Variants in TMEM132D observed in about 807,000 individuals in gnomAD.
TMEM132D encodes transmembrane protein 132D, also known as mature OL transmembrane protein.
In TMEM132D, 21 loss-of-function variants were observed where a neutral mutation model predicts 62.3. The ratio of observed to expected loss-of-function variants is 0.34; its 90% CI spans 0.24 to 0.49. The LOEUF (loss-of-function observed/expected upper bound fraction) is 0.49. Ranked by LOEUF, TMEM132D falls within the 20% of genes least tolerant of loss-of-function variation. The pLI is 0.99. For missense variants in TMEM132D, 1,346 were observed against 1,402.8 expected (o/e 0.96, Z 0.65); for synonymous variants, 621 against 575.6 (o/e 1.08, Z -1.13).
chr12:129,267,720 T>C (rs57911217), intron 4 of TMEM132D, among the ~76,000 whole-genome samples: 3,023 of 152,198 alleles, frequency 0.02, 109 homozygotes, highest in African/African-American at 0.069. Flanking sequence ...GAGCCCGCAT[T>C]GCCAAGTCAA....
intron 4 of TMEM132D, among the ~76,000 whole-genome samples, chr12:129,232,912 T>C (rs1174414639): frequency 1.3e-5 from 2 of 151,880 alleles, no homozygotes; most frequent in African/African-American, 4.8e-5. Flanking sequence ...CTCACTATCA[T>C]GAGAACAGCA....
intron 4 of TMEM132D, among the ~76,000 whole-genome samples, chr12:129,312,828 G>A (rs1882013356): frequency 1.3e-5 from 2 of 152,152 alleles, no homozygotes; most frequent in Non-Finnish European, 2.9e-5. Context: ...CAGACAATAA[G>A]CAGAAAAATA....
intron 2 of TMEM132D, among the ~76,000 whole-genome samples, chr12:129,638,436 T>G (rs1024727005): frequency 4.0e-5 from 6 of 151,336 alleles, no homozygotes; most frequent in African/African-American, 1.5e-4. Context: ...CAATTTAAAA[T>G]TAAATTTCCT....
chr12:129,248,789 G>C (rs1880190231), intron 4 of TMEM132D, among the ~76,000 whole-genome samples: 1 of 152,106 alleles, frequency 6.6e-6, no homozygotes, highest in South Asian at 2.1e-4. Context: ...GTGAGAACAT[G>C]CAGTATTTGC....
In TMEM132D at chr12:129,496,292, A is replaced by T. The variant is rs571227975; in HGVS notation, c.1115+34767T>A. On this transcript the variant is annotated intron_variant, in intron 3 of 8. Transcript: ENST00000422113. ...TTTCAGGTATATGTGCACTCACAGA[A>T]ATTACTAAGCACCTTAGTGGGGAAT... Among the ~76,000 whole-genome samples the T allele has an allele frequency of 1.8e-3, 272 of 152,306 alleles. 3 individuals carry two copies. Among genetic ancestry groups the T allele is most frequent in the South Asian group, 8.3e-3 (40 of 4,818 alleles).
intron 1 of TMEM132D, among the ~76,000 whole-genome samples, chr12:129,841,655 G>C (rs1484170126): frequency 6.6e-6 from 1 of 152,084 alleles, no homozygotes; most frequent in South Asian, 2.1e-4. Flanking sequence ...GTGATGTTTT[G>C]CCAAGCGAGA....
chr12:129,822,704 G>A (rs769730437), intron 1 of TMEM132D, among the ~76,000 whole-genome samples: 5 of 152,162 alleles, frequency 3.3e-5, no homozygotes, highest in Non-Finnish European at 4.4e-5. Flanking sequence ...CTCACAGGGC[G>A]GCAGGAGACA....
chr12:129,815,546 G>A (rs1408164701), intron 1 of TMEM132D, among the ~76,000 whole-genome samples: 1 of 152,116 alleles, frequency 6.6e-6, no homozygotes, highest in Non-Finnish European at 1.5e-5. Context: ...TGCATTTCTA[G>A]AACACCATCT....
At chr12:129,648,688 T>C (rs940781945) in intron 2 of TMEM132D, among the ~76,000 whole-genome samples, 1 of 152,230 alleles carries the variant, frequency 6.6e-6, no homozygotes, top group Non-Finnish European at 1.5e-5. Context: ...ACAAGTCAAT[T>C]TTATTGGCAA....
intron 1 of TMEM132D, among the ~76,000 whole-genome samples, chr12:129,791,593 T>C (rs1871402151): frequency 6.6e-6 from 1 of 152,102 alleles, no homozygotes; most frequent in African/African-American, 2.4e-5. Context: ...CATATTTTAA[T>C]TTAGATTCGC....
chr12:129,805,510 T>C (rs1223118039), intron 1 of TMEM132D, among the ~76,000 whole-genome samples: 1 of 152,132 alleles, frequency 6.6e-6, no homozygotes, highest in Non-Finnish European at 1.5e-5. Context: ...TGAAACTGGA[T>C]CCCTTCCTTA....
intron 4 of TMEM132D, among the ~76,000 whole-genome samples, chr12:129,273,912 A>T (rs1216077693): frequency 6.6e-6 from 1 of 151,396 alleles, no homozygotes; most frequent in Non-Finnish European, 1.5e-5. Flanking sequence ...TTAAAACAAA[A>T]GTTGAAAAAA....
At chr12:129,093,976 A>G (rs961908976) in intron 5 of TMEM132D, among the ~76,000 whole-genome samples, 1 of 152,036 alleles carries the variant, frequency 6.6e-6, no homozygotes, top group Non-Finnish European at 1.5e-5. Context: ...CTGGCTAGCC[A>G]TATGTAGAAA....
At chr12:129,168,515 T>A (rs1271523600) in intron 5 of TMEM132D, among the ~76,000 whole-genome samples, 3 of 152,028 alleles carry the variant, frequency 2.0e-5, no homozygotes, top group Admixed American at 6.5e-5. Flanking sequence ...ATACATGGAG[T>A]TATATAAGAC....
Position 129,233,219 on chromosome 12 carries a change from G to A in TMEM132D, c.1300-23556C>T, listed in dbSNP as rs1879689872. 2.0e-5 allele frequency among the ~76,000 whole-genome samples: 3 copies of A among 152,110 alleles called. No individual in the cohort carries two copies. In the South Asian group the frequency reaches 6.2e-4, roughly 32 times the overall value. The stretch of plus-strand genomic sequence containing the variant: ...TAGACTACAAGATATATGAGGGAGG[G>A]GGCCCTGTGTGTCTCCAGCAGCTGC... On this transcript the variant is annotated intron_variant, in intron 4 of 8. Transcript: ENST00000422113.
intron 1 of TMEM132D, among the ~76,000 whole-genome samples, chr12:129,894,527 T>C (rs900700064): frequency 2.6e-5 from 4 of 152,180 alleles, no homozygotes; most frequent in Non-Finnish European, 4.4e-5. Flanking sequence ...TCAGCACAAC[T>C]CTGGACTCCT....
intron 1 of TMEM132D, among the ~76,000 whole-genome samples, chr12:129,789,878 C>T (rs1871351834): frequency 6.6e-6 from 1 of 152,214 alleles, no homozygotes; most frequent in African/African-American, 2.4e-5. Flanking sequence ...ATCTTTCTAA[C>T]ATAGGGTCAT....
At chr12:129,894,021 C>T (rs759104411) in intron 1 of TMEM132D, among the ~76,000 whole-genome samples, 3 of 152,190 alleles carry the variant, frequency 2.0e-5, no homozygotes, top group Non-Finnish European at 4.4e-5. Flanking sequence ...TGAGGCTGGG[C>T]GTGAAGTCAT....
At chr12:129,150,223 AG>A (rs1475422807) in intron 5 of TMEM132D, among the ~76,000 whole-genome samples, 1 of 152,156 alleles carries the variant, frequency 6.6e-6, no homozygotes, top group Admixed American at 6.5e-5. Flanking sequence ...ATTTGATCCC[AG>A]GGGAGCCCCA....
Sources: allele counts gnomAD v4.1 joint callset (sites outside exome capture counted in the v4.1 genomes callset), GRCh38; gene constraint gnomAD v4.1.1; transcripts MANE v1.5; gene names NCBI Gene and HGNC (gene_info 2026-07-23, HGNC 2026-07-21).